Variants in SEMA4F observed in about 807,000 individuals in gnomAD.
SEMA4F encodes ssemaphorin 4F, also known as semaphorin-4F.
A neutral mutation model predicts 78.4 loss-of-function variants in SEMA4F; 51 were observed. That is an observed-to-expected ratio of 0.65 (90% CI 0.52 to 0.82). The LOEUF (loss-of-function observed/expected upper bound fraction) is 0.82, where lower values mean the gene tolerates loss of function less well. Among genes scored for constraint, SEMA4F ranks in the 40% least tolerant of loss-of-function variants. SEMA4F has a pLI of 0.00. For synonymous variants in SEMA4F, 418 were observed against 408.7 expected (o/e 1.02, Z -0.27); for missense variants, 938 against 1,014.4 (o/e 0.92, Z 1.02).
At chr2:74,674,718 T>C in intron 8 of SEMA4F, 42 bp downstream of exon 8, 1 of 1,600,370 alleles carries the variant, frequency 6.2e-7, no homozygotes, top group Non-Finnish European at 8.5e-7. Flanking sequence ...GGGTGGGAGA[T>C]ATGTGGGGTT....
the SEMA4F span, among the ~76,000 whole-genome samples, chr2:74,706,786 A>G: frequency 2.0e-5 from 3 of 152,036 alleles, no homozygotes; most frequent in East Asian, 3.9e-4. Flanking sequence ...TTTGTTTGAA[A>G]TCTCTTCATC....
At position 74,682,972 on chromosome 2, in the gene SEMA4F, A is replaced by T. The variant is rs141739197; in HGVS notation, c.*2763A>T. The T allele has an allele frequency of 6.6e-6, 1 of 151,718 alleles. No homozygotes were observed. The highest frequency in any genetic ancestry group is 1.5e-5 in the Non-Finnish European group (1 of 68,030). 9.4% of individuals were successfully genotyped at this position (151,718 alleles called of 1,614,324 possible). A position where few individuals can be genotyped will look rare whatever the true frequency, so the allele number is the denominator to read the frequency against. On this transcript the variant is annotated 3_prime_UTR_variant, in exon 14 of 14. Transcript: ENST00000357877. The stretch of plus-strand genomic sequence containing the variant: ...CCTTCCAATGGAAACCACAATAAGC[A>T]CTCTTGCCCACGTTTTCCCTGCTCC...
Position 74,657,864 on chromosome 2 carries a change from C to A in SEMA4F, c.369C>A (p.His123Gln). ...RKKGKKEDEC[H>Q]NFVQILAIAN... ...TCTCTGACCCCCAGGACGAATGTCA[C>A]AATTTTGTCCAGATTCTCGCCATTG... Residue 123 changes from histidine to glutamine, a missense_variant, in exon 4 of 14, where the codon CAC becomes CAA. Physicochemically the swap from His to Gln is conservative, Grantham distance 24 (BLOSUM62 0). Coordinates refer to ENST00000357877, the MANE Select transcript of SEMA4F (RefSeq NM_004263.5). The A allele has an allele frequency of 6.2e-7, 1 of 1,614,164 alleles. No homozygotes were observed. Among genetic ancestry groups the A allele is most frequent in the Non-Finnish European group, 8.5e-7 (1 of 1,179,968 alleles).
intron 12 of SEMA4F, 122 bp from the exon 13 acceptor site, chr2:74,679,152 GAT>G: frequency 1.2e-6 from 1 of 823,670 alleles, no homozygotes; most frequent in Non-Finnish European, 2.1e-6. Context: ...AAACTTGACT[GAT>G]AATTTCTGGA....
chr2:74,700,831 A>G, the SEMA4F span, among the ~76,000 whole-genome samples: 2 of 152,214 alleles, frequency 1.3e-5, no homozygotes, highest in African/African-American at 4.8e-5. Context: ...GTGAAGAGAC[A>G]GTTCTAATGG....
intron 12 of SEMA4F, among the ~76,000 whole-genome samples, chr2:74,676,629 T>C (rs1002649288): frequency 2.0e-4 from 31 of 152,202 alleles, no homozygotes; most frequent in African/African-American, 7.2e-4. Context: ...CATCGTATTA[T>C]GATTTGTACT....
the SEMA4F span, among the ~76,000 whole-genome samples, chr2:74,692,080 C>T: frequency 6.6e-6 from 1 of 152,150 alleles, no homozygotes. Flanking sequence ...AAGTACCAGG[C>T]TCTAGGGGCA....
the SEMA4F span, among the ~76,000 whole-genome samples, chr2:74,689,260 T>C: frequency 6.6e-6 from 1 of 152,222 alleles, no homozygotes. Flanking sequence ...GTCTTTTGTG[T>C]ATATCAAATT....
chr2:74,674,500 G>T lies in SEMA4F; in HGVS notation c.825G>T (p.Gly275=), dbSNP rs748265811. Residue 275 remains glycine, a splice_region_variant and synonymous_variant, in exon 8 of 14, where the codon GGG becomes GGT. Coordinates refer to ENST00000357877, the MANE Select transcript of SEMA4F (RefSeq NM_004263.5). ...KVPRVARVCA[G]DLGGRKTLQQ... ...CTCCCATGTGTTTGTCACCCCAGGG[G>T]GACCTCGGGGGCCGGAAGACCCTCC... The T allele has an allele frequency of 1.9e-6, 3 of 1,611,774 alleles. No homozygotes were observed. The highest frequency in any genetic ancestry group is 2.7e-5 in the African/African-American group (2 of 74,802).
chr2:74,691,175 C>T, the SEMA4F span, among the ~76,000 whole-genome samples: 11 of 152,064 alleles, frequency 7.2e-5, no homozygotes, highest in South Asian at 1.5e-3. Flanking sequence ...AAATAAAGCA[C>T]GATTTGTGCT....
At chr2:74,690,123 C>A in the SEMA4F span, among the ~76,000 whole-genome samples, 2 of 152,174 alleles carry the variant, frequency 1.3e-5, no homozygotes, top group South Asian at 4.1e-4. Context: ...TACTGAAACA[C>A]CCCACGGTTC....
rs758208597 is a variant in SEMA4F, at chr2:74,654,381, C to A, written c.5C>A (p.Pro2Gln). 1.3e-6 allele frequency: 2 copies of A among 1,505,960 alleles called. No individual in the cohort carries two copies. The highest frequency in any genetic ancestry group is 2.1e-5 in the Admixed American group (1 of 47,600). The allele number at this position is 1,505,960 out of a possible 1,614,324, so 93.3% of individuals were successfully genotyped here. Reference protein sequence around the residue: MPASAARPRPGP... With the variant: MQASAARPRPGP... Reference sequence around the variant, plus strand: ...CGCGGCCAGGCGGAGCCAAAGATGCCGGCCTCTGCTGCGCGGCCCCGCCCG... The same window carrying A: ...CGCGGCCAGGCGGAGCCAAAGATGCAGGCCTCTGCTGCGCGGCCCCGCCCG... The change falls in exon 1 of 14, where the codon CCG becomes CAG. Residue 2 changes from proline to glutamine, a missense_variant. Coordinates refer to ENST00000357877, the MANE Select transcript of SEMA4F (RefSeq NM_004263.5).
intron 5 of SEMA4F, among the ~76,000 whole-genome samples, chr2:74,665,875 G>C (rs363633): frequency 2.0e-5 from 3 of 148,694 alleles, no homozygotes; most frequent in Non-Finnish European, 4.5e-5. Flanking sequence ...ATCATTTATC[G>C]TACTTTTGTT....
chr2:74,692,089 C>A, the SEMA4F span, among the ~76,000 whole-genome samples: 1 of 152,134 alleles, frequency 6.6e-6, no homozygotes, highest in African/African-American at 2.4e-5. Flanking sequence ...GCTCTAGGGG[C>A]AGACTGCTGG....
the SEMA4F span, among the ~76,000 whole-genome samples, chr2:74,700,444 A>G: frequency 2.0e-5 from 3 of 152,074 alleles, no homozygotes; most frequent in African/African-American, 4.8e-5. Context: ...TACCCCATCC[A>G]TGGCATTGGA....
chr2:74,696,350 C>T, the SEMA4F span, among the ~76,000 whole-genome samples: 2 of 152,002 alleles, frequency 1.3e-5, no homozygotes, highest in South Asian at 2.1e-4. Context: ...TGCCTGCCAC[C>T]ATGCCCAGCT....
At chr2:74,671,343 C>T (rs539346762) in intron 5 of SEMA4F, among the ~76,000 whole-genome samples, 1 of 152,194 alleles carries the variant, frequency 6.6e-6, no homozygotes, top group African/African-American at 2.4e-5. Context: ...GCCTGAGACA[C>T]GCTGCTTCTC....
At chr2:74,667,118 C>T (rs779410484) in intron 5 of SEMA4F, among the ~76,000 whole-genome samples, 1 of 152,170 alleles carries the variant, frequency 6.6e-6, no homozygotes, top group Non-Finnish European at 1.5e-5. Context: ...TTCTTCAAAA[C>T]ATGATTTTTA....
chr2:74,705,363 T>C, the SEMA4F span, among the ~76,000 whole-genome samples: 1 of 152,104 alleles, frequency 6.6e-6, no homozygotes, highest in South Asian at 2.1e-4. Flanking sequence ...TGCCTGGAAA[T>C]AGTGAAAAAA....
Sources: allele counts gnomAD v4.1 joint callset (sites outside exome capture counted in the v4.1 genomes callset), GRCh38; gene constraint gnomAD v4.1.1; transcripts MANE v1.5; gene names NCBI Gene and HGNC (gene_info 2026-07-23, HGNC 2026-07-21).